The following FMN2 variants were observed in gnomAD, a reference collection of about 807,000 sequenced individuals.
FMN2 encodes formin 2, also known as formin-2.
A neutral mutation model predicts 142.3 loss-of-function variants in FMN2; 51 were observed. The observed-to-expected ratio is 0.36, with a 90% confidence interval of 0.29 to 0.45. The LOEUF (loss-of-function observed/expected upper bound fraction) is 0.45, where lower values mean the gene tolerates loss of function less well. Among genes scored for constraint, FMN2 ranks in the 20% least tolerant of loss-of-function variants. The pLI, the probability that FMN2 is intolerant of heterozygous loss-of-function variation, is 1.00. For missense variants in FMN2, 1,936 were observed against 2,122.8 expected, an observed-to-expected ratio of 0.91 and a Z score of 1.73; for synonymous variants, 882 against 869.8, an observed-to-expected ratio of 1.01 and a Z score of -0.25.
At chr1:240,149,647 A>G (rs1343286330) in intron 2 of FMN2, among the ~76,000 whole-genome samples, 2 of 152,192 alleles carry the variant, frequency 1.3e-5, no homozygotes, top group African/African-American at 2.4e-5. Flanking sequence ...ATTCATGCAC[A>G]GGGATTCTAG....
chr1:240,166,790 C>A (rs2103302390), intron 2 of FMN2, among the ~76,000 whole-genome samples: 1 of 152,264 alleles, frequency 6.6e-6, no homozygotes, highest in Non-Finnish European at 1.5e-5. Flanking sequence ...ATATTCTCCC[C>A]TTAGAGAAGA....
intron 16 of FMN2, among the ~76,000 whole-genome samples, chr1:240,449,993 A>G (rs1675952922): frequency 6.6e-6 from 1 of 152,132 alleles, no homozygotes. Context: ...ACTGTGCTGT[A>G]CATTAGGTCT....
intron 7 of FMN2, among the ~76,000 whole-genome samples, chr1:240,272,482 G>C (rs933303615): frequency 1.3e-5 from 2 of 152,240 alleles, no homozygotes; most frequent in Admixed American, 1.3e-4. Flanking sequence ...TTCAAAATTG[G>C]CTGATTGAAA....
chr1:240,144,893 T>G, intron 2 of FMN2: 2 of 1,419,624 alleles, frequency 1.4e-6, no homozygotes, highest in South Asian at 2.3e-5. Context: ...TCCTGCCAGG[T>G]GCCTGATATA....
chr1:240,328,970 C>T (rs374992626), intron 8 of FMN2, 106 bp from the exon 9 acceptor site: 7 of 884,836 alleles, frequency 7.9e-6, no homozygotes, highest in South Asian at 1.7e-5. Context: ...AAATATATAG[C>T]GTTTCGCTGT....
intron 2 of FMN2, among the ~76,000 whole-genome samples, chr1:240,128,898 G>A (rs1662621591): frequency 6.6e-6 from 1 of 151,974 alleles, no homozygotes; most frequent in African/African-American, 2.4e-5. Flanking sequence ...TTTTGAGACA[G>A]AATCTCATTA....
intron 6 of FMN2, among the ~76,000 whole-genome samples, chr1:240,254,224 C>T (rs1437227474): frequency 6.6e-6 from 1 of 151,844 alleles, no homozygotes; most frequent in Non-Finnish European, 1.5e-5. Flanking sequence ...AAGTGGTTTG[C>T]GCTGGTGTTG....
chr1:240,227,837 G>GT (rs1320002799), intron 6 of FMN2, among the ~76,000 whole-genome samples: 8 of 152,012 alleles, frequency 5.3e-5, no homozygotes, highest in African/African-American at 1.9e-4. Context: ...CTACATCAAA[G>GT]TTAACAATTT....
Position 240,114,654 on chromosome 1 carries a change from T to TTG in FMN2, c.1616-8524_1616-8523insGT, listed in dbSNP as rs1410286656. On this transcript the variant is annotated intron_variant, in intron 1 of 17. Transcript: ENST00000319653. ...AATGGTGATTTTCTAATTATATCAT[T>TTG]TCTTTTTTTTTTTTTTTTTTGAGAC... Among the ~76,000 whole-genome samples the TTG allele has an allele frequency of 1.3e-4, 20 of 149,306 alleles. 2 individuals carry two copies. Among genetic ancestry groups the TTG allele is most frequent in the South Asian group, 4.3e-4 (2 of 4,702 alleles).
chr1:240,098,096 A>ATTTTTTTT (rs1558293621), intron 1 of FMN2, among the ~76,000 whole-genome samples: 1 of 81,192 alleles, frequency 1.2e-5, no homozygotes, highest in Admixed American at 1.3e-4. Context: ...GGTTATCTTG[A>ATTTTTTTT]ATTTTTTTTT....
chr1:240,145,782 T>G (rs1053370792), intron 2 of FMN2, among the ~76,000 whole-genome samples: 1 of 152,006 alleles, frequency 6.6e-6, no homozygotes, highest in Non-Finnish European at 1.5e-5. Flanking sequence ...AGTGCTGGAA[T>G]CACAGGTATG....
At chr1:240,185,923 C>G (rs4659947) in intron 3 of FMN2, among the ~76,000 whole-genome samples, 1 of 151,972 alleles carries the variant, frequency 6.6e-6, no homozygotes, top group Non-Finnish European at 1.5e-5. Flanking sequence ...ACTAGCTTTG[C>G]TGTTAAAGAT....
intron 6 of FMN2, among the ~76,000 whole-genome samples, chr1:240,230,951 C>T (rs1667509274): frequency 7.6e-6 from 1 of 131,812 alleles, no homozygotes; most frequent in South Asian, 2.4e-4. Context: ...CGGCACAAGG[C>T]TCCATAGAAA....
In FMN2 at chr1:240,208,568, C is replaced by T. The variant is rs1666543978; in HGVS notation, c.3756C>T (p.Ser1252=). Residue 1252 remains serine (S), a synonymous_variant, in exon 5 of 18, where the codon AGC becomes AGT. Transcript: ENST00000319653. Reference sequence around the variant, plus strand: ...CACTCCTCCCACAAGTTGGGAGTAGCACTTTACCAACCCCACAGGTGTGTG... The same window carrying T: ...CACTCCTCCCACAAGTTGGGAGTAGTACTTTACCAACCCCACAGGTGTGTG... ...GPPLLPQVGS[S]TLPTPQVCGF... 6.2e-7 allele frequency: 1 copy of T among 1,613,512 alleles called. No individual in the cohort carries two copies. Among genetic ancestry groups the T allele is most frequent in the Admixed American group, 1.7e-5 (1 of 59,960 alleles).
intron 14 of FMN2, among the ~76,000 whole-genome samples, chr1:240,361,567 G>A (rs1436066681): frequency 2.6e-5 from 4 of 152,236 alleles, no homozygotes; most frequent in African/African-American, 9.6e-5. Context: ...TGGACGAGGA[G>A]ATGATGGATA....
chr1:240,428,198 A>G (rs1405292199), intron 15 of FMN2, among the ~76,000 whole-genome samples: 7 of 151,628 alleles, frequency 4.6e-5, no homozygotes, highest in Non-Finnish European at 1.0e-4. Flanking sequence ...ACTCTTTTGC[A>G]ATTATTATTG....
chr1:240,233,485 A>G (rs1042344472), intron 6 of FMN2, among the ~76,000 whole-genome samples: 2 of 152,126 alleles, frequency 1.3e-5, no homozygotes, highest in African/African-American at 4.8e-5. Flanking sequence ...AGACTATTCT[A>G]CTGAGTTTTA....
rs1195070581 is a variant in FMN2 at position 240,392,539 on chromosome 1, T to G, written c.4887T>G (p.Asn1629Lys). 1 of 1,609,426 alleles carries G rather than the reference T, an allele frequency of 6.2e-7. No individual in the cohort carries two copies. Among genetic ancestry groups the G allele is most frequent in the Non-Finnish European group, 8.5e-7 (1 of 1,177,890 alleles). Residue 1629 changes from asparagine to lysine, a missense_variant, in exon 15 of 18, where the codon AAT (asparagine) becomes AAG (lysine). Coordinates refer to ENST00000319653, the MANE Select transcript of FMN2 (RefSeq NM_020066.5). ...QAKIDQEAEE[N>K]SLTETHKCFL... ...AAATTGACCAAGAGGCAGAGGAAAA[T>G]TCACTGACAGAGACTCATAAATGGT...
At chr1:240,367,743 G>C (rs975342339) in intron 14 of FMN2, among the ~76,000 whole-genome samples, 2 of 142,290 alleles carry the variant, frequency 1.4e-5, no homozygotes, top group African/African-American at 5.5e-5. Flanking sequence ...ACTCTAGCCT[G>C]GGTGACAGAG....
Sources: allele counts gnomAD v4.1 joint callset (sites outside exome capture counted in the v4.1 genomes callset), GRCh38; gene constraint gnomAD v4.1.1; transcripts MANE v1.5; gene names NCBI Gene and HGNC (gene_info 2026-07-23, HGNC 2026-07-21).